NCS1: variants seen among roughly 807,000 people sequenced by gnomAD.
NCS1 encodes neuronal calcium sensor 1.
In NCS1, 6 loss-of-function variants were observed where a neutral mutation model predicts 28.4. The observed-to-expected ratio is 0.21, with a 90% CI of 0.12 to 0.42. NCS1 has a LOEUF of 0.42. Among genes scored for constraint, NCS1 ranks in the 10% least tolerant of loss-of-function variants. NCS1 has a pLI of 1.00. For synonymous variants in NCS1, 86 were observed against 99.3 expected, an observed-to-expected ratio of 0.87 and a Z score of 0.79; for missense variants, 131 against 241.4, an observed-to-expected ratio of 0.54 and a Z score of 3.03.
rs990772972 is a variant in NCS1 at position 130,208,274 on chromosome 9, A to G, written c.89+7292A>G. Among the ~76,000 whole-genome samples, 6 of 150,860 alleles carry G rather than the reference A, an allele frequency of 4.0e-5. 1 individual carries two copies. The highest frequency in any genetic ancestry group is 4.0e-4 in the Admixed American group (6 of 15,162). The stretch of plus-strand genomic sequence containing the variant: ...GGTGGATTATGTGTCCTATTTTCCA[A>G]CTTTTCTGCAACTATTTTTTTTTTT... On this transcript the variant is annotated intron_variant, in intron 2 of 7. Transcript: ENST00000372398.
At chr9:130,205,501 C>T (rs1833011337) in intron 2 of NCS1, among the ~76,000 whole-genome samples, 1 of 147,648 alleles carries the variant, frequency 6.8e-6, no homozygotes, top group Non-Finnish European at 1.5e-5. Flanking sequence ...CTATGATTGC[C>T]CTGCTGCAGG....
At chr9:130,173,041 G>A (rs1431199390) in intron 1 of NCS1, among the ~76,000 whole-genome samples, 4 of 152,170 alleles carry the variant, frequency 2.6e-5, no homozygotes, top group Admixed American at 2.6e-4. Context: ...AACGGGCAGG[G>A]GCTGTTGCCA....
In NCS1 at chr9:130,235,216, T is replaced by C. The variant is rs1245817026; in HGVS notation, c.*2244T>C. 1 of 152,244 alleles carries C rather than the reference T, an allele frequency of 6.6e-6. No individual in the cohort carries two copies. The highest frequency in any genetic ancestry group is 1.9e-4 in the East Asian group (1 of 5,172). The allele number at this position is 152,244 out of a possible 1,614,324, so 9.4% of individuals were successfully genotyped here. On this transcript the variant is annotated 3_prime_UTR_variant, in exon 8 of 8. Transcript: ENST00000372398. ...GTGGATTCTTTGAGGCCCCTGCCAG[T>C]CGGCTCCCTGCTCAGCTGCTGGCCC... is the stretch of plus-strand genomic sequence containing the variant.
At position 130,172,623 on chromosome 9, in the gene NCS1, C is replaced by G; in HGVS notation, c.-41C>G. On this transcript the variant is annotated 5_prime_UTR_variant, in exon 1 of 8. Transcript: ENST00000372398. ...CAGCCGCTCCTGCTGGGCGCCCCAACCGGGTCCGGCCCGGGGGGGCGGGGG... is the reference window on the plus strand; with the variant it reads ...CAGCCGCTCCTGCTGGGCGCCCCAAGCGGGTCCGGCCCGGGGGGGCGGGGG... 2 of 1,309,596 alleles carry G rather than the reference C, an allele frequency of 1.5e-6. No homozygotes were observed. The highest frequency in any genetic ancestry group is 2.0e-6 in the Non-Finnish European group (2 of 999,460). The allele number at this position is 1,309,596 out of a possible 1,614,324, so 81.1% of individuals were successfully genotyped here. A position where few individuals can be genotyped will look rare whatever the true frequency, so the allele number is the denominator to read the frequency against.
intron 1 of NCS1, chr9:130,200,750 C>G (rs1832933816): frequency 1.4e-6 from 2 of 1,400,818 alleles, no homozygotes; most frequent in South Asian, 2.4e-5. Flanking sequence ...AGGGGTGGGG[C>G]CAGTGTCCCC....
At position 130,192,201 on chromosome 9, in the gene NCS1, G is replaced by A. The variant is rs1260603943; in HGVS notation, c.65-8757G>A. On this transcript the variant is annotated intron_variant, in intron 1 of 7. Coordinates refer to ENST00000372398, the MANE Select transcript of NCS1 (RefSeq NM_014286.4). This position sits in a 1 kb window ranked among gnomAD's most constrained non-coding sequence, Gnocchi z 4.8. ...CCCTGGCAGGGGCATCGAGTAATAAGTACAACAGCAGTGATGATCATGCTG... is the reference window on the plus strand; with the variant it reads ...CCCTGGCAGGGGCATCGAGTAATAAATACAACAGCAGTGATGATCATGCTG... Among the ~76,000 whole-genome samples the A allele has an allele frequency of 1.3e-5, 2 of 152,156 alleles. No homozygotes were observed. Among genetic ancestry groups the A allele is most frequent in the East Asian group, 3.9e-4 (2 of 5,182 alleles).
intron 1 of NCS1, among the ~76,000 whole-genome samples, chr9:130,193,481 C>A (rs1403557994): frequency 2.0e-5 from 3 of 152,104 alleles, no homozygotes; most frequent in Non-Finnish European, 4.4e-5. Context: ...TTGAGGCAGC[C>A]AGGTTGGATG....
chr9:130,198,357 G>T (rs1832902056), intron 1 of NCS1, among the ~76,000 whole-genome samples: 1 of 152,186 alleles, frequency 6.6e-6, no homozygotes, highest in Non-Finnish European at 1.5e-5. Flanking sequence ...GGAGCTGGGG[G>T]TCCAGGGAAG....
rs73545524 is a variant in NCS1, at chr9:130,193,010, C to G, written c.65-7948C>G. On this transcript the variant is annotated intron_variant, in intron 1 of 7. Transcript: ENST00000372398. ...CAACGGAGTGGCAGATCCCTGGAGT[C>G]CAGGTCCCACAAGAGACCACCACCG... is the stretch of plus-strand genomic sequence containing the variant. 6.6e-3 allele frequency among the ~76,000 whole-genome samples: 998 copies of G among 152,350 alleles called. 9 individuals carry two copies. The highest frequency in any genetic ancestry group is 0.022 in the African/African-American group (917 of 41,586).
Position 130,234,368 on chromosome 9 carries a change from G to T in NCS1, c.*1396G>T, listed in dbSNP as rs6478954. 0.4 allele frequency: 60,963 copies of T among 152,210 alleles called. 14,082 individuals are homozygous for T. The highest frequency in any genetic ancestry group is 0.64 in the African/African-American group (26,615 of 41,486). 9.4% of individuals were successfully genotyped at this position (152,210 alleles called of 1,614,324 possible). A position where few individuals can be genotyped will look rare whatever the true frequency, so the allele number is the denominator to read the frequency against. On this transcript the variant is annotated 3_prime_UTR_variant, in exon 8 of 8. Transcript: ENST00000372398. This position sits in a 1 kb window ranked among gnomAD's most constrained non-coding sequence, Gnocchi z 6.1. The stretch of plus-strand genomic sequence containing the variant: ...ACATGTCTTCACGGAGGCTTCCAGC[G>T]GTGCCTGCCACTGAGGCAGGTGCGG...
chr9:130,182,687 G>T (rs564105151), intron 1 of NCS1, among the ~76,000 whole-genome samples: 1 of 152,296 alleles, frequency 6.6e-6, no homozygotes, highest in East Asian at 1.9e-4. Flanking sequence ...GTGTGTGGGC[G>T]CTGGGCTGAT....
At chr9:130,176,141 T>TCTTTCTTTCTTTCTTTCTTTCTTC in intron 1 of NCS1, among the ~76,000 whole-genome samples, 1 of 35,042 alleles carries the variant, frequency 2.9e-5, no homozygotes, top group Non-Finnish European at 5.1e-5. Context: ...TTGTTCATTT[T>TCTTTCTTTCTTTCTTTCTTTCTTC]CTTTCTTTCT....
intron 2 of NCS1, among the ~76,000 whole-genome samples, chr9:130,212,309 G>A (rs1294217708): frequency 6.6e-6 from 1 of 151,990 alleles, no homozygotes; most frequent in Admixed American, 6.6e-5. Flanking sequence ...GGGTGGTTCT[G>A]CCCCCGAGGG....
At chr9:130,178,609 C>G (rs1324604478) in intron 1 of NCS1, among the ~76,000 whole-genome samples, 1 of 152,064 alleles carries the variant, frequency 6.6e-6, no homozygotes, top group Non-Finnish European at 1.5e-5. Context: ...GGAATTTGGA[C>G]ATTATTCGAG....
Position 130,172,735 on chromosome 9 carries a change from C to G in NCS1, c.64+8C>G. ...TGACCAGGAAGACCTACTGTGAGTG[C>G]TCCCAGCCCCCAGCCCGCGCCCCGC... On this transcript the variant is annotated splice_region_variant and intron_variant, in intron 1 of 7. Coordinates refer to ENST00000372398, the MANE Select transcript of NCS1 (RefSeq NM_014286.4). The G allele has an allele frequency of 6.7e-7, 1 of 1,486,242 alleles. No homozygotes were observed. The highest frequency in any genetic ancestry group is 1.3e-5 in the South Asian group (1 of 79,764). The allele number at this position is 1,486,242 out of a possible 1,614,324, so 92.1% of individuals were successfully genotyped here.
At chr9:130,224,516 C>T (rs942852820) in intron 6 of NCS1, among the ~76,000 whole-genome samples, 1 of 151,054 alleles carries the variant, frequency 6.6e-6, no homozygotes, top group Non-Finnish European at 1.5e-5. Context: ...CGAGATCACA[C>T]CACTGCACTC....
intron 1 of NCS1, among the ~76,000 whole-genome samples, chr9:130,199,909 A>ATTCATTCG (rs1486698477): frequency 3.9e-5 from 6 of 151,976 alleles, no homozygotes; most frequent in Admixed American, 2.0e-4. Context: ...TCATTCATTC[A>ATTCATTCG]TTCATTCATT....
chr9:130,223,794 C>T (rs1833372318), intron 6 of NCS1, among the ~76,000 whole-genome samples: 1 of 152,002 alleles, frequency 6.6e-6, no homozygotes, highest in Non-Finnish European at 1.5e-5. Context: ...TTTTTTCCCC[C>T]AAGTTCATAG....
chr9:130,229,701 C>T (rs976697323), intron 7 of NCS1, among the ~76,000 whole-genome samples: 11 of 152,206 alleles, frequency 7.2e-5, no homozygotes, highest in Admixed American at 2.0e-4. Context: ...CAAGAGCCCT[C>T]GCATGATATG....
Sources: gnomAD v4.1 joint callset for allele counts (sites outside exome capture counted in the v4.1 genomes callset) on GRCh38, gnomAD v4.1.1 for gene constraint, Gnocchi (gnomAD v3.1) non-coding constraint, MANE v1.5 for transcripts, NCBI Gene and HGNC (gene_info 2026-07-23, HGNC 2026-07-21) for gene names.